UTRN: variants seen among roughly 807,000 people sequenced by gnomAD.
UTRN encodes the protein dystrophin-related protein 1.
Under a neutral mutation model 463.9 loss-of-function variants are expected in UTRN, and 283 were observed. The ratio of observed to expected loss-of-function variants is 0.61; its 90% CI spans 0.55 to 0.67. The LOEUF (loss-of-function observed/expected upper bound fraction) is 0.67, where lower values mean the gene tolerates loss of function less well. UTRN is among the 30% of genes least tolerant of loss of function. The pLI is 0.00. For synonymous variants in UTRN, 1,442 were observed against 1,431.5 expected (o/e 1.01, Z -0.17); for missense variants, 3,922 against 4,084.3 (o/e 0.96, Z 1.08).
chr6:144,361,524 T>C (rs1241688848), intron 2 of UTRN, among the ~76,000 whole-genome samples: 1 of 152,192 alleles, frequency 6.6e-6, no homozygotes, highest in African/African-American at 2.4e-5. Flanking sequence ...TATTTCTGGA[T>C]GCTAAAAGGG....
At chr6:144,305,632 T>G (rs899987980) in intron 2 of UTRN, among the ~76,000 whole-genome samples, 2 of 152,172 alleles carry the variant, frequency 1.3e-5, no homozygotes, top group African/African-American at 4.8e-5. Context: ...TGAAGTGTAG[T>G]TGAGTTACAG....
At chr6:144,718,021 C>A (rs543579674) in intron 53 of UTRN, among the ~76,000 whole-genome samples, 18 of 152,218 alleles carry the variant, frequency 1.2e-4, no homozygotes, top group African/African-American at 4.3e-4. Context: ...GATGTTCCTG[C>A]AAACGGAGGG....
At chr6:144,335,870 G>C (rs899529630) in intron 2 of UTRN, among the ~76,000 whole-genome samples, 2 of 152,078 alleles carry the variant, frequency 1.3e-5, no homozygotes, top group Admixed American at 1.3e-4. Flanking sequence ...CATCAGTTCT[G>C]TCTAATGAAC....
chr6:144,583,635 T>C, intron 51 of UTRN: 1 of 606,558 alleles, frequency 1.6e-6, no homozygotes, highest in Non-Finnish European at 3.1e-6. Flanking sequence ...ATCTCGGGTG[T>C]CTGACAGTTC....
Position 144,523,008 on chromosome 6 carries a change from AT to A in UTRN, c.5734-3del. ...GGATTTTGTTAATCTATGACAATAT[AT>A]TTTTAGAATATCAAAGACCAACTGG... On this transcript the variant is annotated splice_region_variant and splice_polypyrimidine_tract_variant and intron_variant, in intron 40 of 74. Transcript: ENST00000367545. 1.9e-6 allele frequency: 3 copies of A among 1,574,376 alleles called. No homozygotes were observed. The highest frequency in any genetic ancestry group is 2.3e-5 in the East Asian group (1 of 43,692).
In UTRN at chr6:144,620,700, T is replaced by A. The variant is rs565479696; in HGVS notation, c.7479+43412T>A. Among the ~76,000 whole-genome samples, 7 of 152,282 alleles carry A rather than the reference T, an allele frequency of 4.6e-5. 1 individual carries two copies. The South Asian group carries it at 1.5e-3, about 32-fold the overall frequency. ...AAGACAACTCTGGGGATTTACCTGT[T>A]ATAGACAAACTCTTTACTTTTTTTC... On this transcript the variant is annotated intron_variant, in intron 51 of 74. Coordinates refer to ENST00000367545, the MANE Select transcript of UTRN (RefSeq NM_007124.3).
At position 144,458,884 on chromosome 6, in the gene UTRN, T is replaced by C. The variant is rs1435439890; in HGVS notation, c.2399T>C (p.Ile800Thr). ...LERKIQLQED[I>T]NAYFKQLDEL... ...AGAAAGATTCAGCTACAGGAAGATA[T>C]AAATGCTTATTTCAAGCAGCTTGAT... Residue 800 changes from isoleucine to threonine, a missense_variant, in exon 20 of 75, where the codon ATA (isoleucine) becomes ACA (threonine). By Grantham distance (89) the Ile-to-Thr change is moderately conservative. Around this residue, in one of 3 missense-constraint regions of UTRN, gnomAD observed 2,349 missense variants for 2,303.8 expected, o/e 1.02. Transcript: ENST00000367545. 1.9e-6 allele frequency: 3 copies of C among 1,613,940 alleles called. No individual in the cohort carries two copies. Among genetic ancestry groups the C allele is most frequent in the East Asian group, 2.2e-5 (1 of 44,864 alleles).
intron 37 of UTRN, 30 bp downstream of exon 37, chr6:144,514,850 T>A (rs1156428266): frequency 1.3e-6 from 2 of 1,598,412 alleles, no homozygotes; most frequent in African/African-American, 2.7e-5. Context: ...GAGTAAACCA[T>A]TTTTCCTATG....
intron 51 of UTRN, among the ~76,000 whole-genome samples, chr6:144,647,474 CAA>C (rs765113079): frequency 6.0e-4 from 92 of 152,256 alleles, no homozygotes; most frequent in African/African-American, 1.8e-3. Flanking sequence ...CTTTTAAAGA[CAA>C]AGAGAAGTCT....
intron 52 of UTRN, among the ~76,000 whole-genome samples, chr6:144,691,263 C>T (rs1199090592): frequency 2.6e-5 from 4 of 152,106 alleles, no homozygotes; most frequent in South Asian, 4.1e-4. Flanking sequence ...AATACAGGCA[C>T]GTGCCACCAT....
intron 51 of UTRN, among the ~76,000 whole-genome samples, chr6:144,578,130 G>GAGGT (rs1801619793): frequency 6.6e-6 from 1 of 152,114 alleles, no homozygotes; most frequent in Admixed American, 6.5e-5. Flanking sequence ...TTGAACCCAG[G>GAGGT]AGGTGGAGGT....
chr6:144,479,835 G>T lies in UTRN; in HGVS notation c.3360G>T (p.Leu1120Phe). The T allele has an allele frequency of 6.2e-7, 1 of 1,613,830 alleles. No individual in the cohort carries two copies. The highest frequency in any genetic ancestry group is 8.5e-7 in the Non-Finnish European group (1 of 1,179,910). ...SKEIATQKSR[L>F]SESQEKAANL... ...AGATCGCTACTCAAAAAAGTAGGTTGTCTGAAAGTCAAGAAAAAGCTGCGA... is the reference window on the plus strand; with the variant it reads ...AGATCGCTACTCAAAAAAGTAGGTTTTCTGAAAGTCAAGAAAAAGCTGCGA... The change falls in exon 26 of 75, where the codon TTG (leucine) becomes TTT (phenylalanine). Residue 1120 changes from leucine to phenylalanine, a missense_variant. Leu to Phe is a conservative substitution (Grantham distance 22). This residue lies in a region of UTRN where 2,349 missense variants were observed against 2,303.8 expected (regional missense o/e 1.02). Coordinates refer to ENST00000367545, the MANE Select transcript of UTRN (RefSeq NM_007124.3).
At chr6:144,618,752 AAT>A (rs1270770582) in intron 51 of UTRN, among the ~76,000 whole-genome samples, 19 of 152,100 alleles carry the variant, frequency 1.2e-4, no homozygotes, top group Non-Finnish European at 2.4e-4. Flanking sequence ...AAAGTTTGGA[AAT>A]TAAAATACTC....
chr6:144,730,536 A>G, intron 54 of UTRN, 50 bp downstream of exon 54: 1 of 1,478,902 alleles, frequency 6.8e-7, no homozygotes. Context: ...TAGGAGAACA[A>G]AAAACCCAAA....
chr6:144,748,355 AAAGC>A lies in UTRN; in HGVS notation c.8053_8056del (p.Gln2685TrpfsTer22). 1 of 1,613,848 alleles carries A rather than the reference AAAGC, an allele frequency of 6.2e-7. No homozygotes were observed. Among genetic ancestry groups the A allele is most frequent in the Non-Finnish European group, 8.5e-7 (1 of 1,179,918 alleles). On this transcript the variant is annotated frameshift_variant, in exon 55 of 75. Coordinates refer to ENST00000367545, the MANE Select transcript of UTRN (RefSeq NM_007124.3). LOFTEE classifies it high-confidence loss of function. ...TAAATGCTGTAACTAGCAATTGGCA[AAAGC>A]AAGTGGACAAGGCATTGGAGAAACT...
Position 144,620,971 on chromosome 6 carries a change from G to T in UTRN, c.7479+43683G>T, listed in dbSNP as rs375498201. ...CTTGCATAGTAAGAGCAGCTCCAGT[G>T]TGGTATTAGTAGGGTTAATGATTGA... On this transcript the variant is annotated intron_variant, in intron 51 of 74. Coordinates refer to ENST00000367545, the MANE Select transcript of UTRN (RefSeq NM_007124.3). 2.8e-4 allele frequency among the ~76,000 whole-genome samples: 43 copies of T among 152,266 alleles called. 2 individuals carry two copies. In the South Asian group the frequency reaches 7.7e-3, roughly 27 times the overall value.
chr6:144,513,330 A>G lies in UTRN; in HGVS notation c.4945-579A>G, dbSNP rs560378045. Among the ~76,000 whole-genome samples the G allele has an allele frequency of 2.0e-5, 3 of 152,328 alleles. No individual in the cohort carries two copies. The South Asian group carries it at 6.2e-4, about 32-fold the overall frequency. ...CACTTTGGGAGGCTGAGGAAGGTGG[A>G]TCACAAGGTCAAGAGATCAAGACTT... On this transcript the variant is annotated intron_variant, in intron 35 of 74. Coordinates refer to ENST00000367545, the MANE Select transcript of UTRN (RefSeq NM_007124.3).
intron 19 of UTRN, among the ~76,000 whole-genome samples, chr6:144,454,384 T>C (rs1353577180): frequency 6.6e-6 from 1 of 152,210 alleles, no homozygotes; most frequent in African/African-American, 2.4e-5. Flanking sequence ...GACTTTTTTT[T>C]TTGCTGTAGC....
chr6:144,839,635 T>C (rs1183473750), intron 72 of UTRN, among the ~76,000 whole-genome samples: 1 of 152,194 alleles, frequency 6.6e-6, no homozygotes, highest in African/African-American at 2.4e-5. Context: ...TATTCAGGAC[T>C]AATAATATTA....
Sources: gnomAD v4.1 joint callset for allele counts (sites outside exome capture counted in the v4.1 genomes callset) on GRCh38, gnomAD v4.1.1 for gene constraint, gnomAD v4.1.1 regional missense constraint, MANE v1.5 for transcripts, NCBI Gene and HGNC (gene_info 2026-07-23, HGNC 2026-07-21) for gene names.